TBKBP1: variants seen among roughly 807,000 people sequenced by gnomAD.
TBKBP1 encodes the protein TBK1 binding protein 1.
In TBKBP1, 47 loss-of-function variants were observed where a neutral mutation model predicts 69.9. That is an observed-to-expected ratio of 0.67 (90% CI 0.53 to 0.86). The LOEUF (loss-of-function observed/expected upper bound fraction) is 0.86, where lower values mean the gene tolerates loss of function less well. Ranked by LOEUF, TBKBP1 falls within the 40% of genes least tolerant of loss-of-function variation. The pLI is 0.00. For synonymous variants in TBKBP1, 418 were observed against 390.3 expected (o/e 1.07, Z -0.84); for missense variants, 831 against 858.6 (o/e 0.97, Z 0.40).
chr17:47,696,974 C>A, intron 3 of TBKBP1, 115 bp from the exon 4 acceptor site: 1 of 1,503,596 alleles, frequency 6.7e-7, no homozygotes, highest in South Asian at 1.3e-5. Flanking sequence ...AGCTGCAGCT[C>A]CTCCTGCCCC....
chr17:47,698,549 G>A lies in TBKBP1; in HGVS notation c.454-46G>A, dbSNP rs1597956430. ...GGGGTGATGACTCTCCAGACATGGG[G>A]AAGTCCTGGGCCTGTGCAGACCCTC... On this transcript the variant is annotated intron_variant, in intron 4 of 9. Transcript: ENST00000578982. 4 of 1,514,536 alleles carry A rather than the reference G, an allele frequency of 2.6e-6. No individual in the cohort carries two copies. In the East Asian group the frequency reaches 9.9e-5, roughly 38 times the overall value. 93.8% of individuals were successfully genotyped at this position (1,514,536 alleles called of 1,614,324 possible). A position where few individuals can be genotyped will look rare whatever the true frequency, so the allele number is the denominator to read the frequency against.
rs367853875 is a variant in TBKBP1 at position 47,699,989 on chromosome 17, A to AT, written c.872+308dup. On this transcript the variant is annotated intron_variant, in intron 7 of 9. Coordinates refer to ENST00000578982, the MANE Select transcript of TBKBP1 (RefSeq NM_001394755.1). ...AGGCATGCACCACCATGCCTAGCTAATTTTTTTTTTTTTTTTGAGACGGAG... is the reference window on the plus strand; with the variant it reads ...AGGCATGCACCACCATGCCTAGCTAATTTTTTTTTTTTTTTTTGAGACGGAG... 1.8e-3 allele frequency among the ~76,000 whole-genome samples: 244 copies of AT among 136,200 alleles called. 1 individual carries two copies. Among genetic ancestry groups the AT allele is most frequent in the South Asian group, 0.017 (71 of 4,268 alleles). 89.4% of individuals were successfully genotyped at this position (136,200 alleles called of 152,430 possible).
chr17:47,708,881 G>A lies in TBKBP1; in HGVS notation c.1148G>A (p.Arg383His). The A allele has an allele frequency of 2.8e-6, 4 of 1,405,408 alleles. No homozygotes were observed. The highest frequency in any genetic ancestry group is 3.7e-6 in the Non-Finnish European group (4 of 1,084,976). 87.1% of individuals were successfully genotyped at this position (1,405,408 alleles called of 1,614,324 possible). ...PVPPCPSPQQ[R>H]RSPASPSCPS... is the part of the protein sequence containing the mutation. ...CCCCCGTGCCCCTCGCCGCAGCAGC[G>A]CCGCTCTCCGGCCTCACCCTCCTGC... The change falls in exon 9 of 10, where the codon CGC becomes CAC. Residue 383 changes from arginine to histidine, a missense_variant. Coordinates refer to ENST00000578982, the MANE Select transcript of TBKBP1 (RefSeq NM_001394755.1). The surrounding 1 kb of genome is among the most constrained non-coding windows in gnomAD (Gnocchi z 4.4).
chr17:47,698,317 C>T lies in TBKBP1; in HGVS notation c.454-278C>T, dbSNP rs1003247009. Among the ~76,000 whole-genome samples the T allele has an allele frequency of 2.0e-5, 3 of 152,172 alleles. 1 individual carries two copies. Among genetic ancestry groups the T allele is most frequent in the Admixed American group, 2.0e-4 (3 of 15,278 alleles). The stretch of plus-strand genomic sequence containing the variant: ...GTATGCAAATGGAAGTTCTGATGCT[C>T]CTGAGGGGGGCTGGCCTCCAAACAG... On this transcript the variant is annotated intron_variant, in intron 4 of 9. Transcript: ENST00000578982.
Position 47,699,628 on chromosome 17 carries a change from T to C in TBKBP1, c.811-8T>C. 10 of 1,613,958 alleles carry C rather than the reference T, an allele frequency of 6.2e-6. No individual in the cohort carries two copies. The highest frequency in any genetic ancestry group is 7.6e-6 in the Non-Finnish European group (9 of 1,179,856). On this transcript the variant is annotated splice_polypyrimidine_tract_variant and splice_region_variant and intron_variant, in intron 6 of 9. Coordinates refer to ENST00000578982, the MANE Select transcript of TBKBP1 (RefSeq NM_001394755.1). ...CTTGGGCTCTGACCTCTTCATCTTC[T>C]TCCTTAGGATCTGGCCTCCAACCAG...
chr17:47,710,556 T>A lies in TBKBP1; in HGVS notation c.1778T>A (p.Phe593Tyr). The A allele has an allele frequency of 1.2e-6, 2 of 1,612,584 alleles. No individual in the cohort carries two copies. The highest frequency in any genetic ancestry group is 1.7e-6 in the Non-Finnish European group (2 of 1,179,120). The change falls in exon 10 of 10, where the codon TTC becomes TAC. Residue 593 changes from phenylalanine (F) to tyrosine (Y), a missense_variant. By Grantham distance (22) the Phe-to-Tyr change is conservative. Coordinates refer to ENST00000578982, the MANE Select transcript of TBKBP1 (RefSeq NM_001394755.1). The part of the protein sequence containing the change: ...IRSCPLCQLG[F>Y]PVGYPDDALI... Reference sequence around the variant, plus strand: ...AGCTGCCCCCTCTGCCAGCTGGGTTTCCCTGTCGGGTACCCGGATGATGCC... The same window carrying A: ...AGCTGCCCCCTCTGCCAGCTGGGTTACCCTGTCGGGTACCCGGATGATGCC...
chr17:47,708,752 GCCACTCCCCGGCCCCCCAGTGCCCCTC>G lies in TBKBP1; in HGVS notation c.1022_1048del (p.His341_Ser349del). 6.8e-7 allele frequency: 1 copy of G among 1,464,600 alleles called. No homozygotes were observed. The highest frequency in any genetic ancestry group is 9.0e-7 in the Non-Finnish European group (1 of 1,106,980). The allele number at this position is 1,464,600 out of a possible 1,614,324, so 90.7% of individuals were successfully genotyped here. ...CAGAGGCACTCGCCGCTGTCACAACGCCACTCCCCGGCCCCCCAGTGCCCCTCCCCCTCCCCGCCTGCCCGAGCGGCT... is the reference window on the plus strand; with the variant it reads ...CAGAGGCACTCGCCGCTGTCACAACGCCCCTCCCCGCCTGCCCGAGCGGCT... On this transcript the variant is annotated inframe_deletion, in exon 9 of 10. Transcript: ENST00000578982. The surrounding 1 kb of genome is among the most constrained non-coding windows in gnomAD (Gnocchi z 4.4).
intron 7 of TBKBP1, among the ~76,000 whole-genome samples, chr17:47,703,706 C>T (rs1177893839): frequency 6.6e-6 from 1 of 152,228 alleles, no homozygotes; most frequent in African/African-American, 2.4e-5. Context: ...AAGTTTCCCC[C>T]CTTCTCCACC....
chr17:47,705,252 G>T (rs979445819), intron 7 of TBKBP1, among the ~76,000 whole-genome samples: 1 of 152,208 alleles, frequency 6.6e-6, no homozygotes, highest in Admixed American at 6.5e-5. Flanking sequence ...AGGGGGCAGA[G>T]CTCCCATCCC....
chr17:47,702,547 C>T (rs1172290116), intron 7 of TBKBP1, among the ~76,000 whole-genome samples: 1 of 152,068 alleles, frequency 6.6e-6, no homozygotes, highest in Non-Finnish European at 1.5e-5. Flanking sequence ...GATCCTAGCC[C>T]CAGCCCCAGG....
chr17:47,698,581 GTC>G lies in TBKBP1; in HGVS notation c.454-5_454-4del. Reference sequence around the variant, plus strand: ...TGGGCCTGTGCAGACCCTCCCCTCTGTCTCTCTCTCCAGAGGGCCCTGGTGGA... The same window carrying G: ...TGGGCCTGTGCAGACCCTCCCCTCTGTCTCTCTCCAGAGGGCCCTGGTGGA... On this transcript the variant is annotated splice_polypyrimidine_tract_variant and intron_variant, in intron 4 of 9. Coordinates refer to ENST00000578982, the MANE Select transcript of TBKBP1 (RefSeq NM_001394755.1). 1.9e-6 allele frequency: 3 copies of G among 1,573,222 alleles called. No individual in the cohort carries two copies. The highest frequency in any genetic ancestry group is 2.3e-5 in the East Asian group (1 of 42,624).
At chr17:47,696,615 G>C in intron 2 of TBKBP1, 96 bp from the exon 3 acceptor site, 1 of 1,583,402 alleles carries the variant, frequency 6.3e-7, no homozygotes, top group Non-Finnish European at 8.6e-7. Flanking sequence ...GAGGGTCAAA[G>C]GTCTGAGGCA....
chr17:47,710,562 T>C lies in TBKBP1; in HGVS notation c.1784T>C (p.Val595Ala). Residue 595 changes from valine (V) to alanine (A), a missense_variant, in exon 10 of 10, where the codon GTC (valine) becomes GCC (alanine). Transcript: ENST00000578982. The stretch of plus-strand genomic sequence containing the variant: ...CCCCTCTGCCAGCTGGGTTTCCCTG[T>C]CGGGTACCCGGATGATGCCCTCATC... ...SCPLCQLGFP[V>A]GYPDDALIKH... The C allele has an allele frequency of 1.9e-6, 3 of 1,612,546 alleles. No homozygotes were observed. Among genetic ancestry groups the C allele is most frequent in the Non-Finnish European group, 2.5e-6 (3 of 1,179,092 alleles).
chr17:47,705,721 C>T (rs1221996776), intron 7 of TBKBP1, among the ~76,000 whole-genome samples: 2 of 152,162 alleles, frequency 1.3e-5, no homozygotes, highest in Non-Finnish European at 2.9e-5. Flanking sequence ...TCATTCAGGT[C>T]GTTAGCATCT....
rs771991520 is a variant in TBKBP1, at chr17:47,708,452, T to C, written c.931T>C (p.Leu311=). 4.3e-6 allele frequency: 7 copies of C among 1,613,550 alleles called. No individual in the cohort carries two copies. The highest frequency in any genetic ancestry group is 5.1e-6 in the Non-Finnish European group (6 of 1,179,770). Residue 311 remains leucine (L), a synonymous_variant, in exon 8 of 10, where the codon TTG becomes CTG. Transcript: ENST00000578982. The surrounding 1 kb of genome is among the most constrained non-coding windows in gnomAD (Gnocchi z 4.4). ...GGAGGAGCTGGGCCGGCTTCGGGAG[T>C]TGAGTTCCCTACAGGGGAGAATCTT... ...LTEELGRLRE[L]SSLQGRILRT...
chr17:47,694,895 G>C (rs904377679), intron 1 of TBKBP1, among the ~76,000 whole-genome samples: 1 of 150,728 alleles, frequency 6.6e-6, no homozygotes, highest in Non-Finnish European at 1.5e-5. Context: ...CGGAGGGGGG[G>C]GGGTGGATTG....
rs749540506 is a variant in TBKBP1 at position 47,696,810 on chromosome 17, C to T, written c.325C>T (p.Arg109Trp). Reference protein sequence around the residue: ...LEVEKVSLQQRLNQFQHELQK... With the variant: ...LEVEKVSLQQWLNQFQHELQK... ...GGTGGAGAAGGTCAGCCTGCAGCAA[C>T]GGCTCAACCAGTTCCAGCATGAGGT... Residue 109 changes from arginine (R) to tryptophan (W), a missense_variant, in exon 3 of 10, where the codon CGG (arginine) becomes TGG (tryptophan). Physicochemically the swap from Arg to Trp is moderately radical, Grantham distance 101 (BLOSUM62 -3). Coordinates refer to ENST00000578982, the MANE Select transcript of TBKBP1 (RefSeq NM_001394755.1). The T allele has an allele frequency of 6.2e-6, 10 of 1,613,778 alleles. No individual in the cohort carries two copies. Among genetic ancestry groups the T allele is most frequent in the Admixed American group, 1.7e-5 (1 of 60,000 alleles).
At position 47,709,270 on chromosome 17, in the gene TBKBP1, C is replaced by T. The variant is rs2031829990; in HGVS notation, c.1537C>T (p.Arg513Trp). The T allele has an allele frequency of 3.9e-6, 6 of 1,523,732 alleles. No individual in the cohort carries two copies. The highest frequency in any genetic ancestry group is 5.2e-6 in the Non-Finnish European group (6 of 1,143,982). The allele number at this position is 1,523,732 out of a possible 1,614,324, so 94.4% of individuals were successfully genotyped here. A position where few individuals can be genotyped will look rare whatever the true frequency, so the allele number is the denominator to read the frequency against. ...CCCGCGGCGCGCCTTCGAGGGCATCCGGCTGCGCTTCGAGAAGCAGCCGTC... is the reference window on the plus strand; with the variant it reads ...CCCGCGGCGCGCCTTCGAGGGCATCTGGCTGCGCTTCGAGAAGCAGCCGTC... ...LSPRRAFEGI[R>W]LRFEKQPSEE... Residue 513 changes from arginine (R) to tryptophan (W), a missense_variant, in exon 9 of 10, where the codon CGG (arginine) becomes TGG (tryptophan). Arg to Trp is a moderately radical substitution (Grantham distance 101). Transcript: ENST00000578982.
chr17:47,698,409 G>A (rs1007871192), intron 4 of TBKBP1, among the ~76,000 whole-genome samples, 186 bp from the exon 5 acceptor site: 1 of 152,178 alleles, frequency 6.6e-6, no homozygotes, highest in African/African-American at 2.4e-5. Context: ...ACTTGACCTC[G>A]CCAGGGGCAA....
Sources: gnomAD v4.1 joint callset for allele counts (sites outside exome capture counted in the v4.1 genomes callset) on GRCh38, gnomAD v4.1.1 for gene constraint, Gnocchi (gnomAD v3.1) non-coding constraint, MANE v1.5 for transcripts, NCBI Gene and HGNC (gene_info 2026-07-23, HGNC 2026-07-21) for gene names.